ACYP2: variants seen among roughly 807,000 people sequenced by gnomAD.
ACYP2 encodes the protein acylphosphatase-2.
ACYP2 carries 12 observed loss-of-function variants against 11.2 expected under a neutral mutation model. The observed-to-expected ratio is 1.08, with a 90% CI of 0.69 to 1.74. The LOEUF is 1.74. ACYP2 is among the 40% of genes most tolerant of loss of function. The pLI, the probability that ACYP2 is intolerant of heterozygous loss-of-function variation, is 0.00. For synonymous variants in ACYP2, 43 were observed against 32.2 expected, an observed-to-expected ratio of 1.33 and a Z score of -1.13; for missense variants, 134 against 101.9, an observed-to-expected ratio of 1.31 and a Z score of -1.35.
intron 6 of ACYP2, among the ~76,000 whole-genome samples, chr2:54,209,828 AC>A (rs142909460): frequency 0.023 from 3,431 of 152,250 alleles, 78 homozygotes; most frequent in Non-Finnish European, 0.026. Flanking sequence ...AAAAAAACTT[AC>A]TTTGCAATCA....
At chr2:53,975,385 C>G (rs566947314) in intron 2 of ACYP2, 2 of 397,484 alleles carry the variant, frequency 5.0e-6, no homozygotes, top group South Asian at 1.3e-4. Flanking sequence ...TATTGAAATG[C>G]TTCCCAGTGA....
chr2:53,996,137 C>T (rs1223639367), intron 2 of ACYP2, among the ~76,000 whole-genome samples: 1 of 151,102 alleles, frequency 6.6e-6, no homozygotes, highest in African/African-American at 2.4e-5. Context: ...TCTGTCCCCA[C>T]CACCCAAAAA....
chr2:54,040,879 C>T (rs1675184040), intron 2 of ACYP2, among the ~76,000 whole-genome samples: 4 of 151,922 alleles, frequency 2.6e-5, no homozygotes, highest in Admixed American at 2.6e-4. Context: ...GAGGTAGTAG[C>T]TGAAAGAGGA....
chr2:54,165,803 T>A (rs1190041799), intron 6 of ACYP2, among the ~76,000 whole-genome samples: 2 of 152,174 alleles, frequency 1.3e-5, no homozygotes, highest in Non-Finnish European at 2.9e-5. Context: ...GGACTCTGGA[T>A]GAAGGAATCT....
chr2:53,973,853 ATATGTGTGTGTGTGTG>A (rs1306730764), intron 2 of ACYP2: 6 of 113,396 alleles, frequency 5.3e-5, no homozygotes, highest in African/African-American at 3.2e-4. Context: ...TGGGATATAT[ATATGTGTGTGTGTGTG>A]TGTGTGTGTG....
intron 6 of ACYP2, 59 bp from the exon 4 acceptor site, chr2:54,304,629 T>G: frequency 8.0e-7 from 1 of 1,257,082 alleles, no homozygotes; most frequent in Non-Finnish European, 1.1e-6. Context: ...TGGGCTCATT[T>G]TAGCTGATCC....
At chr2:54,115,680 C>A (rs781431807) in intron 4 of ACYP2, 2 of 1,609,298 alleles carry the variant, frequency 1.2e-6, no homozygotes, top group Non-Finnish European at 1.7e-6. Context: ...GGCTCCTCAA[C>A]AGAGGGCTCG....
At chr2:54,186,213 T>A (rs1035722556) in intron 6 of ACYP2, among the ~76,000 whole-genome samples, 27 of 152,156 alleles carry the variant, frequency 1.8e-4, no homozygotes, top group Non-Finnish European at 3.7e-4. Context: ...CGCTTTAAAA[T>A]GTTGAATTTT....
intron 6 of ACYP2, among the ~76,000 whole-genome samples, chr2:54,185,739 C>T (rs1200824632): frequency 6.6e-6 from 1 of 152,014 alleles, no homozygotes; most frequent in African/African-American, 2.4e-5. Context: ...TCATTTCCTC[C>T]TACAAAACCA....
chr2:54,054,093 G>A (rs1018771074), intron 3 of ACYP2, among the ~76,000 whole-genome samples: 2 of 152,166 alleles, frequency 1.3e-5, no homozygotes, highest in Non-Finnish European at 2.9e-5. Flanking sequence ...GTACAGTTTC[G>A]AGATAGGGAT....
At chr2:54,122,467 G>T (rs1680216304) in intron 4 of ACYP2, among the ~76,000 whole-genome samples, 1 of 152,128 alleles carries the variant, frequency 6.6e-6, no homozygotes, top group Non-Finnish European at 1.5e-5. Flanking sequence ...TAAAAAACCT[G>T]CATGTGTCAT....
chr2:54,176,282 G>A (rs561880214), intron 6 of ACYP2, among the ~76,000 whole-genome samples: 1 of 152,296 alleles, frequency 6.6e-6, no homozygotes, highest in Admixed American at 6.5e-5. Flanking sequence ...AAGGGAAAGG[G>A]TGTGCCCTCC....
At chr2:54,179,991 A>G (rs575000208) in intron 6 of ACYP2, among the ~76,000 whole-genome samples, 1 of 152,228 alleles carries the variant, frequency 6.6e-6, no homozygotes, top group South Asian at 2.1e-4. Context: ...GGCCTCTGGA[A>G]CTTCTGACCA....
chr2:54,061,592 A>G lies in ACYP2; in HGVS notation c.277+4232A>G, dbSNP rs79418717. 4.9e-3 allele frequency among the ~76,000 whole-genome samples: 751 copies of G among 152,300 alleles called. 39 individuals carry two copies. In the East Asian group the frequency reaches 0.13, roughly 27 times the overall value. Reference sequence around the variant, plus strand: ...AACCAACTCTGATTGGCTTTAGCATAAAAGGGTTTTAATGGGAGCCTATTG... The same window carrying G: ...AACCAACTCTGATTGGCTTTAGCATGAAAGGGTTTTAATGGGAGCCTATTG... On this transcript the variant is annotated intron_variant, in intron 4 of 6. Transcript: ENST00000607452.
intron 2 of ACYP2, among the ~76,000 whole-genome samples, chr2:53,977,725 A>G (rs1573428982): frequency 1.5e-5 from 2 of 136,148 alleles, no homozygotes; most frequent in Non-Finnish European, 3.1e-5. Flanking sequence ...GCAGAGCAAG[A>G]CTCCATCTCA....
At chr2:53,994,144 C>T (rs1203796776) in intron 2 of ACYP2, among the ~76,000 whole-genome samples, 1 of 151,986 alleles carries the variant, frequency 6.6e-6, no homozygotes, top group Non-Finnish European at 1.5e-5. Context: ...TCCTGGCTAA[C>T]ACGGTGAAAA....
intron 6 of ACYP2, among the ~76,000 whole-genome samples, chr2:54,281,571 C>A (rs1202357766): frequency 6.6e-6 from 1 of 152,142 alleles, no homozygotes; most frequent in African/African-American, 2.4e-5. Context: ...GCAGAAATCA[C>A]CAGAGCTAGA....
intron 6 of ACYP2, among the ~76,000 whole-genome samples, chr2:54,178,872 C>T (rs1683586544): frequency 6.6e-6 from 1 of 152,122 alleles, no homozygotes; most frequent in South Asian, 2.1e-4. Context: ...TTCAGTGACC[C>T]TTTGTGAGAT....
At position 54,304,900 on chromosome 2, in the gene ACYP2, C is replaced by A; in HGVS notation, c.*98C>A. ...AGTAGCAGAGTAGGGTGAAAAGGAA[C>A]TTTCTGTTCTGAAAGCTAAGCGACT... On this transcript the variant is annotated 3_prime_UTR_variant, in exon 7 of 7. Transcript: ENST00000607452. 1.9e-6 allele frequency: 1 copy of A among 535,314 alleles called. No homozygotes were observed. The highest frequency in any genetic ancestry group is 3.3e-5 in the East Asian group (1 of 30,724). 33.2% of individuals were successfully genotyped at this position (535,314 alleles called of 1,614,324 possible).
Sources: allele counts gnomAD v4.1 joint callset (sites outside exome capture counted in the v4.1 genomes callset), GRCh38; gene constraint gnomAD v4.1.1; transcripts MANE v1.5; gene names NCBI Gene and HGNC (gene_info 2026-07-23, HGNC 2026-07-21).